MALRD1: variants seen among roughly 807,000 people sequenced by gnomAD.
The protein encoded by MALRD1 is MAM and LDL receptor class A domain containing 1, also known as MAM and LDL-receptor class A domain-containing protein 1.
A neutral mutation model predicts 242.1 loss-of-function variants in MALRD1; 247 were observed. The observed-to-expected ratio is 1.02, with a 90% CI of 0.92 to 1.13. MALRD1 has a LOEUF of 1.13. Ranked by LOEUF, MALRD1 falls within the 50% of genes most tolerant of loss-of-function variation. The probability of loss-of-function intolerance (pLI) is 0.00; values close to 1 mark genes in which losing one functional copy is unlikely to be tolerated. For missense variants in MALRD1, 2,989 were observed against 2,533.1 expected, an observed-to-expected ratio of 1.18 and a Z score of -3.86; for synonymous variants, 995 against 866.6, an observed-to-expected ratio of 1.15 and a Z score of -2.60.
chr10:19,057,778 C>T (rs180822080), intron 1 of MALRD1, among the ~76,000 whole-genome samples: 74 of 151,602 alleles, frequency 4.9e-4, no homozygotes, highest in South Asian at 1.0e-3. Context: ...AAAGTGTCTT[C>T]GAAGTTTATC....
At position 19,547,808 on chromosome 10, in the gene MALRD1, A is replaced by C. The variant is rs1197591589; in HGVS notation, c.5478+16457A>C. 1.4e-3 allele frequency among the ~76,000 whole-genome samples: 20 copies of C among 14,002 alleles called. 1 individual carries two copies. The highest frequency in any genetic ancestry group is 4.0e-3 in the African/African-American group (18 of 4,520). The allele number at this position is 14,002 out of a possible 152,430, so 9.2% of individuals were successfully genotyped here. A position where few individuals can be genotyped will look rare whatever the true frequency, so the allele number is the denominator to read the frequency against. ...TACATATATATATATATATATATAT[A>C]TATATATATATTTTTTTTTTTTTTT... On this transcript the variant is annotated intron_variant, in intron 32 of 39. Coordinates refer to ENST00000454679, the MANE Select transcript of MALRD1 (RefSeq NM_001142308.3).
chr10:19,284,138 A>G (rs1483826913), intron 21 of MALRD1, among the ~76,000 whole-genome samples: 1 of 151,578 alleles, frequency 6.6e-6, no homozygotes, highest in Non-Finnish European at 1.5e-5. Flanking sequence ...CAAATGTAAT[A>G]TTTTTCTTTA....
At chr10:19,415,497 AT>A (rs1205355801) in intron 28 of MALRD1, among the ~76,000 whole-genome samples, 1 of 152,182 alleles carries the variant, frequency 6.6e-6, no homozygotes, top group Non-Finnish European at 1.5e-5. Flanking sequence ...AATTAAGTTA[AT>A]TCACATATTT....
At chr10:19,605,163 ATT>A (rs35550319) in intron 34 of MALRD1, among the ~76,000 whole-genome samples, 69 of 139,014 alleles carry the variant, frequency 5.0e-4, no homozygotes, top group African/African-American at 1.0e-3. Context: ...TTTTATTATT[ATT>A]TTTTTTTTTT....
chr10:19,152,688 C>T (rs530762861), intron 11 of MALRD1, among the ~76,000 whole-genome samples: 1 of 151,958 alleles, frequency 6.6e-6, no homozygotes, highest in Non-Finnish European at 1.5e-5. Context: ...TTTAGCTTAC[C>T]AAATTTTCTA....
chr10:19,699,052 A>G (rs1833500878), intron 38 of MALRD1, among the ~76,000 whole-genome samples: 1 of 152,036 alleles, frequency 6.6e-6, no homozygotes, highest in African/African-American at 2.4e-5. Flanking sequence ...GGGGTGAGGG[A>G]CAAGGGGAGG....
intron 18 of MALRD1, among the ~76,000 whole-genome samples, chr10:19,224,286 T>G (rs1292613140): frequency 2.6e-5 from 2 of 78,212 alleles, no homozygotes; most frequent in African/African-American, 7.8e-5. Flanking sequence ...ATGATGAGCT[T>G]TTTTTTTTTT....
At chr10:19,556,659 A>G (rs1283957352) in intron 32 of MALRD1, among the ~76,000 whole-genome samples, 3 of 152,152 alleles carry the variant, frequency 2.0e-5, no homozygotes, top group Non-Finnish European at 1.5e-5. Context: ...TTTATTCACC[A>G]GTTCAAAGAC....
chr10:19,695,060 CGGGGCCTGTCATGGGGT>C (rs1833303341), intron 38 of MALRD1, among the ~76,000 whole-genome samples: 2 of 151,924 alleles, frequency 1.3e-5, no homozygotes, highest in African/African-American at 4.8e-5. Flanking sequence ...CATCACACAC[CGGGGCCTGTCATGGGGT>C]GGGGCTAGTG....
chr10:19,555,943 C>T (rs148573840), intron 32 of MALRD1, among the ~76,000 whole-genome samples: 51 of 152,114 alleles, frequency 3.4e-4, no homozygotes, highest in African/African-American at 8.0e-4. Flanking sequence ...AATGTATTAA[C>T]GGAACAAGTG....
chr10:19,144,748 C>T (rs1404159668), intron 10 of MALRD1, among the ~76,000 whole-genome samples: 2 of 152,150 alleles, frequency 1.3e-5, no homozygotes, highest in African/African-American at 4.8e-5. Context: ...GTTCCATTTA[C>T]TAAAATGTAC....
intron 18 of MALRD1, among the ~76,000 whole-genome samples, chr10:19,255,591 A>T (rs1191734442): frequency 6.6e-6 from 1 of 152,080 alleles, no homozygotes; most frequent in Non-Finnish European, 1.5e-5. Context: ...TATTCAAAAG[A>T]GATTGAGACT....
chr10:19,577,636 C>T (rs1326015725), intron 33 of MALRD1, among the ~76,000 whole-genome samples: 1 of 152,094 alleles, frequency 6.6e-6, no homozygotes, highest in Non-Finnish European at 1.5e-5. Context: ...TCATCCAGAA[C>T]TCAAAGATAA....
intron 21 of MALRD1, among the ~76,000 whole-genome samples, chr10:19,296,690 T>A (rs537290237): frequency 6.6e-6 from 1 of 152,218 alleles, no homozygotes; most frequent in South Asian, 2.1e-4. Context: ...GCTATTCATG[T>A]ATTGATTTAT....
Position 19,473,472 on chromosome 10 carries a change from G to A in MALRD1, c.5030-18045G>A, listed in dbSNP as rs760825981. Reference sequence around the variant, plus strand: ...AAATTCTGTACCTGTTGACAATAACGCATCATTTTCTCCTTCCCCAGCCCC... The same window carrying A: ...AAATTCTGTACCTGTTGACAATAACACATCATTTTCTCCTTCCCCAGCCCC... On this transcript the variant is annotated intron_variant, in intron 29 of 39. Coordinates refer to ENST00000454679, the MANE Select transcript of MALRD1 (RefSeq NM_001142308.3). Among the ~76,000 whole-genome samples the A allele has an allele frequency of 6.0e-5, 9 of 151,024 alleles. No homozygotes were observed. In the South Asian group the frequency reaches 1.2e-3, roughly 21 times the overall value.
intron 5 of MALRD1, among the ~76,000 whole-genome samples, chr10:19,113,832 GAC>G (rs1207348222): frequency 2.0e-4 from 19 of 94,398 alleles, no homozygotes; most frequent in African/African-American, 4.8e-4. Context: ...CACACACACA[GAC>G]ACACACACAC....
chr10:19,052,863 T>C (rs1834550947), intron 1 of MALRD1, among the ~76,000 whole-genome samples: 1 of 152,194 alleles, frequency 6.6e-6, no homozygotes, highest in Non-Finnish European at 1.5e-5. Flanking sequence ...TGGCATATCT[T>C]CTCTCCTCCA....
chr10:19,209,447 C>T lies in MALRD1; in HGVS notation c.2758C>T (p.Gln920Ter). 1 of 1,550,936 alleles carries T rather than the reference C, an allele frequency of 6.4e-7. No homozygotes were observed. Among genetic ancestry groups the T allele is most frequent in the East Asian group, 2.4e-5 (1 of 40,916 alleles). Reference sequence around the variant, plus strand: ...TCTCTACATAGAATCTTCAGAGCCACAGGCTTTTCAAGACAGTGCTGCCTT... The same window carrying T: ...TCTCTACATAGAATCTTCAGAGCCATAGGCTTTTCAAGACAGTGCTGCCTT... The part of the protein sequence containing the change: ...HYLYIESSEP[Q>*]AFQDSAALLS... Residue 920 changes from glutamine (Q) to a stop codon, truncating the protein, a stop_gained, in exon 18 of 40, where the codon CAG becomes TAG. Transcript: ENST00000454679. LOFTEE classifies it high-confidence loss of function.
At chr10:19,535,648 G>A (rs997708961) in intron 32 of MALRD1, among the ~76,000 whole-genome samples, 10 of 151,656 alleles carry the variant, frequency 6.6e-5, no homozygotes, top group African/African-American at 2.4e-4. Flanking sequence ...ATAATTATTT[G>A]TACTTTTTGA....
Sources: gnomAD v4.1 joint callset for allele counts (sites outside exome capture counted in the v4.1 genomes callset) on GRCh38, gnomAD v4.1.1 for gene constraint, MANE v1.5 for transcripts, NCBI Gene and HGNC (gene_info 2026-07-23, HGNC 2026-07-21) for gene names.